Variants in LINGO2 observed in about 807,000 individuals in gnomAD.
The protein encoded by LINGO2 is leucine rich repeat and Ig domain containing 2, also known as leucine-rich repeat and immunoglobulin-like domain-containing nogo receptor-interacting protein 2.
LINGO2 carries 14 observed loss-of-function variants against 30.6 expected under a neutral mutation model. The ratio of observed to expected loss-of-function variants is 0.46; its 90% CI spans 0.30 to 0.72. The LOEUF is 0.72. Ranked by LOEUF, LINGO2 falls within the 30% of genes least tolerant of loss-of-function variation. The pLI, the probability that LINGO2 is intolerant of heterozygous loss-of-function variation, is 0.07. For synonymous variants in LINGO2, 317 were observed against 288.5 expected, an observed-to-expected ratio of 1.10 and a Z score of -1.00; for missense variants, 729 against 751.7, an observed-to-expected ratio of 0.97 and a Z score of 0.35.
chr9:28,886,532 G>A, the LINGO2 span, among the ~76,000 whole-genome samples: 1 of 152,114 alleles, frequency 6.6e-6, no homozygotes, highest in South Asian at 2.1e-4. Context: ...TTCCAGGAAA[G>A]AGTATGGGCC....
the LINGO2 span, among the ~76,000 whole-genome samples, chr9:28,754,766 G>C: frequency 1.3e-5 from 2 of 151,588 alleles, no homozygotes; most frequent in African/African-American, 4.9e-5. Context: ...GAGTAGATGG[G>C]ACTACAGGCG....
intron 2 of LINGO2, among the ~76,000 whole-genome samples, chr9:28,474,776 T>C (rs1012636933): frequency 2.6e-5 from 4 of 152,198 alleles, no homozygotes; most frequent in African/African-American, 9.6e-5. Flanking sequence ...TATGGTCAGC[T>C]GTCACCTGTC....
chr9:28,618,250 G>T (rs556048073), intron 1 of LINGO2, among the ~76,000 whole-genome samples: 1 of 152,064 alleles, frequency 6.6e-6, no homozygotes, highest in Non-Finnish European at 1.5e-5. Context: ...GTCAATTAGA[G>T]GCGGCATCAC....
At chr9:28,018,777 T>C (rs1296697788) in intron 4 of LINGO2, among the ~76,000 whole-genome samples, 2 of 152,116 alleles carry the variant, frequency 1.3e-5, no homozygotes, top group African/African-American at 4.8e-5. Flanking sequence ...ATTAGAACAG[T>C]GTGGTGATTT....
chr9:28,157,412 C>T (rs1828162905), intron 4 of LINGO2, among the ~76,000 whole-genome samples: 1 of 152,194 alleles, frequency 6.6e-6, no homozygotes, highest in South Asian at 2.1e-4. Flanking sequence ...AGCACAAGGA[C>T]ACTGGGCCTG....
chr9:28,164,649 C>G (rs1828377836), intron 4 of LINGO2, among the ~76,000 whole-genome samples: 1 of 152,148 alleles, frequency 6.6e-6, no homozygotes, highest in Admixed American at 6.5e-5. Context: ...ATCAGGCAAT[C>G]TGAAAAGTCA....
chr9:28,216,734 T>G (rs976742848), intron 4 of LINGO2, among the ~76,000 whole-genome samples: 1 of 151,956 alleles, frequency 6.6e-6, no homozygotes, highest in African/African-American at 2.4e-5. Flanking sequence ...GGCAGCAATA[T>G]TTCTTAGAAC....
intron 4 of LINGO2, among the ~76,000 whole-genome samples, chr9:28,190,586 T>G (rs1185951113): frequency 6.6e-6 from 1 of 152,194 alleles, no homozygotes; most frequent in Non-Finnish European, 1.5e-5. Flanking sequence ...CAGTCATCTA[T>G]GAATCACAAA....
chr9:28,801,067 G>T, the LINGO2 span, among the ~76,000 whole-genome samples: 3 of 152,088 alleles, frequency 2.0e-5, no homozygotes, highest in Non-Finnish European at 4.4e-5. Flanking sequence ...CAGTGGTCCA[G>T]TTCATTTCCT....
the LINGO2 span, among the ~76,000 whole-genome samples, chr9:28,890,026 A>C: frequency 6.6e-6 from 1 of 152,126 alleles, no homozygotes; most frequent in East Asian, 1.9e-4. Flanking sequence ...AAAGGTTCCC[A>C]GCTGGTAAAA....
chr9:28,063,305 T>C (rs1587796781), intron 4 of LINGO2, among the ~76,000 whole-genome samples: 1 of 152,168 alleles, frequency 6.6e-6, no homozygotes, highest in Non-Finnish European at 1.5e-5. Context: ...TCTGAAACAA[T>C]ATTAATTTTT....
the LINGO2 span, among the ~76,000 whole-genome samples, chr9:28,894,691 CAG>C: frequency 2.6e-3 from 389 of 151,798 alleles, 2 homozygotes; most frequent in Non-Finnish European, 3.4e-3. Flanking sequence ...GTTGATATGA[CAG>C]AGTGTAAAAT....
At chr9:28,957,092 C>T in the LINGO2 span, among the ~76,000 whole-genome samples, 1 of 152,052 alleles carries the variant, frequency 6.6e-6, no homozygotes, top group Non-Finnish European at 1.5e-5. Flanking sequence ...AGTGTCTGGA[C>T]TCAACATATT....
chr9:29,021,492 T>C, the LINGO2 span, among the ~76,000 whole-genome samples: 35,078 of 151,674 alleles, frequency 0.23, 4,250 homozygotes, highest in Admixed American at 0.25. Flanking sequence ...CCCATCTCTA[T>C]TAAAAATACA....
chr9:28,426,176 A>G (rs7863961), intron 2 of LINGO2, among the ~76,000 whole-genome samples: 5,531 of 152,084 alleles, frequency 0.036, 345 homozygotes, highest in African/African-American at 0.12. Flanking sequence ...CTACAATACA[A>G]CGACAATAAT....
chr9:28,318,151 G>A (rs752519417), intron 3 of LINGO2, among the ~76,000 whole-genome samples: 5 of 152,044 alleles, frequency 3.3e-5, no homozygotes, highest in Non-Finnish European at 5.9e-5. Context: ...CTTCACAATC[G>A]GAACAAGAAT....
In LINGO2 at chr9:28,576,177, C is replaced by T. The variant is rs748202926; in HGVS notation, c.-365+94023G>A. Among the ~76,000 whole-genome samples the T allele has an allele frequency of 7.2e-4, 110 of 152,338 alleles. No homozygotes were observed. The Middle Eastern group carries it at 0.01, about 14-fold the overall frequency. On this transcript the variant is annotated intron_variant, in intron 1 of 5. Coordinates refer to ENST00000379992, the Ensembl canonical transcript of LINGO2. ...GGCAAAATCATTTGGCAACACTGTA[C>T]GCTCATAGAGTCTCAATTATTCACC... is the stretch of plus-strand genomic sequence containing the variant.
chr9:28,215,077 AC>A lies in LINGO2; in HGVS notation c.-87+80130del, dbSNP rs1445064851. On this transcript the variant is annotated intron_variant, in intron 4 of 5. Coordinates refer to ENST00000379992, the Ensembl canonical transcript of LINGO2. Reference sequence around the variant, plus strand: ...TCTTCTCATGGTTTATTGGCCATAAACAAGGCAGGGATATCCTGAGAATGGC... The same window carrying A: ...TCTTCTCATGGTTTATTGGCCATAAAAAGGCAGGGATATCCTGAGAATGGC... 5.3e-5 allele frequency among the ~76,000 whole-genome samples: 8 copies of A among 151,710 alleles called. 1 individual carries two copies. The highest frequency in any genetic ancestry group is 1.0e-4 in the Non-Finnish European group (7 of 67,736).
the LINGO2 span, among the ~76,000 whole-genome samples, chr9:28,957,370 A>C: frequency 1.9e-4 from 29 of 152,326 alleles, no homozygotes; most frequent in Admixed American, 2.6e-4. Context: ...ATGCACATGA[A>C]ATTTGGCAGA....
Sources: allele counts gnomAD v4.1 joint callset (sites outside exome capture counted in the v4.1 genomes callset), GRCh38; gene constraint gnomAD v4.1.1; transcripts MANE v1.5; gene names NCBI Gene and HGNC (gene_info 2026-07-23, HGNC 2026-07-21).